The following YAP1 variants were observed in gnomAD, a reference collection of about 807,000 sequenced individuals.
The protein encoded by YAP1 is Yes1 associated transcriptional regulator, also known as transcriptional coactivator YAP1.
YAP1 carries 5 observed loss-of-function variants against 56.9 expected under a neutral mutation model. That is an observed-to-expected ratio of 0.09 (90% CI 0.05 to 0.18). The LOEUF (loss-of-function observed/expected upper bound fraction) is 0.18. Ranked by LOEUF, YAP1 falls within the 10% of genes least tolerant of loss-of-function variation. The probability of loss-of-function intolerance (pLI) is 1.00; values close to 1 mark genes in which losing one functional copy is unlikely to be tolerated. For synonymous variants in YAP1, 265 were observed against 248.1 expected, an observed-to-expected ratio of 1.07 and a Z score of -0.64; for missense variants, 539 against 651.8, an observed-to-expected ratio of 0.83 and a Z score of 1.88.
intron 2 of YAP1, among the ~76,000 whole-genome samples, chr11:102,120,689 T>C (rs1943596564): frequency 6.6e-6 from 1 of 152,222 alleles, no homozygotes; most frequent in Admixed American, 6.5e-5. Context: ...AGAGGAGTTC[T>C]GTTTGTTTTT....
At chr11:102,137,913 A>T (rs2135270995) in intron 2 of YAP1, among the ~76,000 whole-genome samples, 1 of 151,660 alleles carries the variant, frequency 6.6e-6, no homozygotes, top group South Asian at 2.1e-4. Context: ...TCCGAGATGG[A>T]GTCTTGCTCT....
intron 2 of YAP1, among the ~76,000 whole-genome samples, chr11:102,123,914 A>C (rs565206995): frequency 4.7e-5 from 7 of 148,706 alleles, no homozygotes; most frequent in African/African-American, 1.7e-4. Context: ...GGTGTGAGCC[A>C]CCATGCCCGG....
chr11:102,170,742 G>A (rs1303266038), intron 3 of YAP1, among the ~76,000 whole-genome samples: 1 of 152,064 alleles, frequency 6.6e-6, no homozygotes, highest in Non-Finnish European at 1.5e-5. Context: ...GCCGAGGTGG[G>A]CACATCACCT....
intron 2 of YAP1, among the ~76,000 whole-genome samples, chr11:102,153,853 TAA>T (rs201407836): frequency 2.1e-5 from 3 of 145,436 alleles, no homozygotes; most frequent in Admixed American, 6.8e-5. Context: ...GAGGAACTCT[TAA>T]AAAAAAAAAA....
chr11:102,176,268 T>G (rs1947241083), intron 3 of YAP1, among the ~76,000 whole-genome samples: 1 of 152,120 alleles, frequency 6.6e-6, no homozygotes, highest in Non-Finnish European at 1.5e-5. Context: ...TAGGGCAGAG[T>G]GATAAGTTTT....
Position 102,114,109 on chromosome 11 carries a change from C to T in YAP1, c.322-35C>T, listed in dbSNP as rs752739834. Reference sequence around the variant, plus strand: ...TTAAAGGGACTCAGTTGTGTTTTTTCTTTTTTAATTTTTCATCTTAATATT... The same window carrying T: ...TTAAAGGGACTCAGTTGTGTTTTTTTTTTTTTAATTTTTCATCTTAATATT... On this transcript the variant is annotated intron_variant, in intron 1 of 8. Transcript: ENST00000282441. 18 of 1,549,450 alleles carry T rather than the reference C, an allele frequency of 1.2e-5. No homozygotes were observed. In the Admixed American group the frequency reaches 1.4e-4, roughly 12 times the overall value.
At chr11:102,219,510 C>T (rs974586053) in intron 6 of YAP1, among the ~76,000 whole-genome samples, 2 of 151,988 alleles carry the variant, frequency 1.3e-5, no homozygotes, top group African/African-American at 4.8e-5. Flanking sequence ...AGGATGTGTC[C>T]TCCCACAGAC....
At chr11:102,208,245 C>T (rs1702770654) in intron 5 of YAP1, among the ~76,000 whole-genome samples, 1 of 152,190 alleles carries the variant, frequency 6.6e-6, no homozygotes, top group African/African-American at 2.4e-5. Context: ...AAAATGGCGT[C>T]ATTTCCCTCA....
At chr11:102,120,777 G>A (rs1943600865) in intron 2 of YAP1, among the ~76,000 whole-genome samples, 1 of 152,172 alleles carries the variant, frequency 6.6e-6, no homozygotes, top group Non-Finnish European at 1.5e-5. Context: ...GATTTGATTT[G>A]GGATTTGGAG....
intron 2 of YAP1, among the ~76,000 whole-genome samples, chr11:102,140,025 A>G (rs1944917232): frequency 6.6e-6 from 1 of 152,200 alleles, no homozygotes; most frequent in South Asian, 2.1e-4. Context: ...TCTGCTCTGG[A>G]TAATATTAAC....
intron 4 of YAP1, among the ~76,000 whole-genome samples, chr11:102,191,243 C>T (rs945612854): frequency 3.9e-5 from 6 of 152,018 alleles, no homozygotes; most frequent in Non-Finnish European, 8.8e-5. Context: ...CTCTAATCAT[C>T]ATTTTTTCAG....
intron 4 of YAP1, among the ~76,000 whole-genome samples, chr11:102,188,089 T>C (rs529770041): frequency 2.0e-5 from 3 of 152,308 alleles, no homozygotes; most frequent in South Asian, 2.1e-4. Context: ...AGAGACAAGC[T>C]GTTAGCTGCT....
rs148254597 is a variant in YAP1, at chr11:102,152,969, C to T, written c.573-9487C>T. Among the ~76,000 whole-genome samples the T allele has an allele frequency of 5.9e-5, 9 of 152,260 alleles. No homozygotes were observed. The East Asian group carries it at 1.7e-3, about 29-fold the overall frequency. On this transcript the variant is annotated intron_variant, in intron 2 of 8. Coordinates refer to ENST00000282441, the MANE Select transcript of YAP1 (RefSeq NM_001130145.3). ...ATTTGAGCTGTCCTCAAAGACTTGACAGGAGAGGAGTGGGGATGGGAAAGG... is the reference window on the plus strand; with the variant it reads ...ATTTGAGCTGTCCTCAAAGACTTGATAGGAGAGGAGTGGGGATGGGAAAGG...
chr11:102,228,634 CAAA>C (rs71059544), intron 8 of YAP1, among the ~76,000 whole-genome samples: 94 of 31,616 alleles, frequency 3.0e-3, no homozygotes, highest in Admixed American at 5.5e-3. Context: ...GACTCCGTCT[CAAA>C]AAAAAAAAAA....
chr11:102,196,205 T>TTGGGAACGTATGTCTCCACGTTG (rs764149115), intron 4 of YAP1, among the ~76,000 whole-genome samples: 13 of 152,086 alleles, frequency 8.5e-5, no homozygotes, highest in Non-Finnish European at 1.3e-4. Flanking sequence ...GGCTAAAGAA[T>TTGGGAACGTATGTCTCCACGTTG]TGGGAACGTA....
intron 2 of YAP1, among the ~76,000 whole-genome samples, chr11:102,141,642 G>T (rs1945031131): frequency 6.6e-6 from 1 of 152,144 alleles, no homozygotes; most frequent in African/African-American, 2.4e-5. Context: ...ATTCTGTATT[G>T]AATCCTTTTG....
intron 3 of YAP1, among the ~76,000 whole-genome samples, chr11:102,169,443 C>G (rs914426416): frequency 6.6e-6 from 1 of 151,960 alleles, no homozygotes; most frequent in Non-Finnish European, 1.5e-5. Context: ...TCTAAAAGTT[C>G]TGGATTATTA....
chr11:102,127,931 G>A (rs565623754), intron 2 of YAP1, among the ~76,000 whole-genome samples: 22 of 152,180 alleles, frequency 1.4e-4, no homozygotes, highest in Non-Finnish European at 3.1e-4. Context: ...TTTCGGACTC[G>A]CATGGGCCCT....
chr11:102,152,841 T>C (rs548638845), intron 2 of YAP1, among the ~76,000 whole-genome samples: 1 of 152,322 alleles, frequency 6.6e-6, no homozygotes, highest in Admixed American at 6.5e-5. Flanking sequence ...TGGAAATATA[T>C]GTATTCTGGG....
Sources: allele counts gnomAD v4.1 joint callset (sites outside exome capture counted in the v4.1 genomes callset), GRCh38; gene constraint gnomAD v4.1.1; transcripts MANE v1.5; gene names NCBI Gene and HGNC (gene_info 2026-07-23, HGNC 2026-07-21).